Variants in CTNND2 observed in about 807,000 individuals in gnomAD.
CTNND2 encodes catenin delta 2, also known as catenin delta-2.
A neutral mutation model predicts 144.4 loss-of-function variants in CTNND2; 22 were observed. The observed-to-expected ratio is 0.15, with a 90% CI of 0.11 to 0.22. The LOEUF is 0.22. Among genes scored for constraint, CTNND2 ranks in the 10% least tolerant of loss-of-function variants. The pLI is 1.00. For missense variants in CTNND2, 1,353 were observed against 1,618.8 expected, an observed-to-expected ratio of 0.84 and a Z score of 2.82; for synonymous variants, 751 against 695.6, an observed-to-expected ratio of 1.08 and a Z score of -1.25.
intron 11 of CTNND2, among the ~76,000 whole-genome samples, chr5:11,185,171 A>C (rs943478811): frequency 3.9e-5 from 6 of 152,086 alleles, no homozygotes; most frequent in African/African-American, 1.4e-4. Context: ...ACCCATTTCA[A>C]ATGTTGCTTT....
At position 10,973,451 on chromosome 5, in the gene CTNND2, C is replaced by T. The variant is rs373365622; in HGVS notation, c.*2G>A. On this transcript the variant is annotated 3_prime_UTR_variant, in exon 22 of 22. Transcript: ENST00000304623. The surrounding 1 kb of genome is among the most constrained non-coding windows in gnomAD (Gnocchi z 5.6). ...GTTCCCGGAGCGCCTGTGCCCTGCT[C>T]CTCACACCCAGGAGTCGGGGGAGGC... is the stretch of plus-strand genomic sequence containing the variant. The T allele has an allele frequency of 2.8e-4, 438 of 1,584,732 alleles. 1 individual carries two copies. Among genetic ancestry groups the T allele is most frequent in the Middle Eastern group, 1.0e-3 (6 of 5,912 alleles).
intron 9 of CTNND2, among the ~76,000 whole-genome samples, chr5:11,238,760 A>G (rs1741912831): frequency 6.6e-6 from 1 of 152,198 alleles, no homozygotes; most frequent in Admixed American, 6.5e-5. Flanking sequence ...ATATACACAC[A>G]CACACATACT....
intron 14 of CTNND2, among the ~76,000 whole-genome samples, chr5:11,100,867 T>C (rs1696750200): frequency 1.3e-5 from 2 of 152,188 alleles, no homozygotes; most frequent in Admixed American, 1.3e-4. Flanking sequence ...AGTAGCCATG[T>C]TATCTTTTGC....
Position 11,768,267 on chromosome 5 carries a change from A to AGTTTTGTTTTGTTTT in CTNND2, c.38-36010_38-35996dup, listed in dbSNP as rs60666239. ...TCAGAGAGTCTCTCTCCCACTCAGG[A>AGTTTTGTTTTGTTTT]GTTTTGTTTTGTTTTGTTTTGTTTT... On this transcript the variant is annotated intron_variant, in intron 1 of 21. Transcript: ENST00000304623. Among the ~76,000 whole-genome samples the AGTTTTGTTTTGTTTT allele has an allele frequency of 7.4e-3, 1,098 of 148,828 alleles. 11 individuals are homozygous for AGTTTTGTTTTGTTTT. The highest frequency in any genetic ancestry group is 0.024 in the African/African-American group (941 of 39,994).
intron 5 of CTNND2, among the ~76,000 whole-genome samples, chr5:11,398,817 G>A (rs1257354156): frequency 6.6e-6 from 1 of 152,172 alleles, no homozygotes; most frequent in African/African-American, 2.4e-5. Context: ...GGAAGTCTCT[G>A]AGGGGAGATG....
intron 10 of CTNND2, among the ~76,000 whole-genome samples, chr5:11,233,514 G>A (rs1741273174): frequency 6.6e-6 from 1 of 152,170 alleles, no homozygotes; most frequent in African/African-American, 2.4e-5. Flanking sequence ...AAGACTAGAG[G>A]ACTGAGTAAA....
chr5:11,740,997 G>A (rs1787970892), intron 1 of CTNND2, among the ~76,000 whole-genome samples: 1 of 152,162 alleles, frequency 6.6e-6, no homozygotes, highest in African/African-American at 2.4e-5. Context: ...TCAGAGAAAT[G>A]CAAATCAAAA....
In CTNND2 at chr5:11,535,056, C is replaced by T. The variant is rs533960793; in HGVS notation, c.287+29888G>A. On this transcript the variant is annotated intron_variant, in intron 3 of 21. Coordinates refer to ENST00000304623, the MANE Select transcript of CTNND2 (RefSeq NM_001332.4). ...ACATCAAATTAGCCAGGCATGGTGG[C>T]GGATGCCTGTAATCCCACCTACTTG... Among the ~76,000 whole-genome samples, 413 of 152,016 alleles carry T rather than the reference C, an allele frequency of 2.7e-3. 5 individuals are homozygous for T. Among genetic ancestry groups the T allele is most frequent in the Middle Eastern group, 6.8e-3 (2 of 294 alleles).
At chr5:11,054,390 C>G (rs1746143363) in intron 16 of CTNND2, among the ~76,000 whole-genome samples, 1 of 152,124 alleles carries the variant, frequency 6.6e-6, no homozygotes, top group Non-Finnish European at 1.5e-5. Flanking sequence ...AGAAAATGTA[C>G]AACAATGCCC....
chr5:11,103,535 T>C (rs1055909986), intron 14 of CTNND2, among the ~76,000 whole-genome samples: 1 of 151,904 alleles, frequency 6.6e-6, no homozygotes, highest in Non-Finnish European at 1.5e-5. Flanking sequence ...CTGGGTGTGG[T>C]GGCGCACACC....
At chr5:11,069,679 GAGAGACAGAGAGACAGAGAGAGAGAGA>G (rs1748030083) in intron 16 of CTNND2, among the ~76,000 whole-genome samples, 1 of 28,858 alleles carries the variant, frequency 3.5e-5, no homozygotes, top group Non-Finnish European at 6.3e-5. Context: ...CAGACAGACA[GAGAGACAGAGAGACAGAGAGAGAGAGA>G]AGAGACAGAG....
At chr5:11,705,127 A>T (rs1305906085) in intron 2 of CTNND2, among the ~76,000 whole-genome samples, 1 of 152,208 alleles carries the variant, frequency 6.6e-6, no homozygotes, top group Non-Finnish European at 1.5e-5. Flanking sequence ...TCAATGGTGC[A>T]GGCATAAATC....
intron 3 of CTNND2, among the ~76,000 whole-genome samples, chr5:11,436,253 T>A (rs899618618): frequency 3.3e-5 from 5 of 152,084 alleles, no homozygotes; most frequent in Admixed American, 3.3e-4. Context: ...GTCAGAGCTG[T>A]CTGAGTTGAA....
intron 1 of CTNND2, among the ~76,000 whole-genome samples, chr5:11,890,925 T>A (rs2127096811): frequency 6.6e-6 from 1 of 152,232 alleles, no homozygotes; most frequent in Admixed American, 6.5e-5. Flanking sequence ...TTGTCACCAC[T>A]AGGGTTATAA....
chr5:11,114,688 C>T (rs1468820287), intron 13 of CTNND2, among the ~76,000 whole-genome samples: 1 of 152,088 alleles, frequency 6.6e-6, no homozygotes, highest in Non-Finnish European at 1.5e-5. Context: ...GTAGAGTGCT[C>T]CACTATATGT....
At position 11,641,937 on chromosome 5, in the gene CTNND2, T is replaced by C. The variant is rs904374123; in HGVS notation, c.175-76881A>G. ...AAACAATTTACATGTTTAAAATTGA[T>C]AAAGCTGTTCATTGATTCCATTCCC... On this transcript the variant is annotated intron_variant, in intron 2 of 21. Coordinates refer to ENST00000304623, the MANE Select transcript of CTNND2 (RefSeq NM_001332.4). Among the ~76,000 whole-genome samples, 3 of 152,146 alleles carry C rather than the reference T, an allele frequency of 2.0e-5. No individual in the cohort carries two copies. In the South Asian group the frequency reaches 6.2e-4, roughly 32 times the overall value.
At chr5:11,134,965 C>T (rs1755984500) in intron 12 of CTNND2, among the ~76,000 whole-genome samples, 1 of 152,196 alleles carries the variant, frequency 6.6e-6, no homozygotes, top group African/African-American at 2.4e-5. Context: ...AAACAGGTCA[C>T]AAGTTGGCCA....
intron 1 of CTNND2, among the ~76,000 whole-genome samples, chr5:11,869,756 T>C (rs1034968311): frequency 6.6e-6 from 1 of 152,342 alleles, no homozygotes. Flanking sequence ...TAAAAACAGA[T>C]CTATTTTTCA....
chr5:11,661,183 T>C (rs916173010), intron 2 of CTNND2, among the ~76,000 whole-genome samples: 1 of 152,204 alleles, frequency 6.6e-6, no homozygotes, highest in Non-Finnish European at 1.5e-5. Flanking sequence ...TTTAAAACTT[T>C]ATTAAATTAA....
Sources: gnomAD v4.1 joint callset for allele counts (sites outside exome capture counted in the v4.1 genomes callset) on GRCh38, gnomAD v4.1.1 for gene constraint, Gnocchi (gnomAD v3.1) non-coding constraint, MANE v1.5 for transcripts, NCBI Gene and HGNC (gene_info 2026-07-23, HGNC 2026-07-21) for gene names.